The following ACAD9 variants were observed in gnomAD, a reference collection of about 807,000 sequenced individuals.
The protein encoded by ACAD9 is acyl-CoA dehydrogenase family member 9.
ACAD9 carries 53 observed loss-of-function variants against 70.2 expected under a neutral mutation model. That is an observed-to-expected ratio of 0.75 (90% confidence interval 0.61 to 0.95). The LOEUF is 0.95. Among genes scored for constraint, ACAD9 ranks in the 40% least tolerant of loss-of-function variants. The probability of loss-of-function intolerance (pLI) is 0.00; values close to 1 mark genes in which losing one functional copy is unlikely to be tolerated. For missense variants in ACAD9, 777 were observed against 802.8 expected (o/e 0.97, Z 0.39); for synonymous variants, 313 against 312.1 (o/e 1.00, Z -0.03).
In ACAD9 at chr3:128,912,660, T is replaced by C. The variant is rs1244505106; in HGVS notation, c.*53T>C. 1 of 1,428,046 alleles carries C rather than the reference T, an allele frequency of 7.0e-7. No individual in the cohort carries two copies. The highest frequency in any genetic ancestry group is 1.4e-5 in the African/African-American group (1 of 71,216). The allele number at this position is 1,428,046 out of a possible 1,614,324, so 88.5% of individuals were successfully genotyped here. A position where few individuals can be genotyped will look rare whatever the true frequency, so the allele number is the denominator to read the frequency against. ...CCCGCCCCTACCCATGGCCCGTTGC[T>C]GGATGACTGTTACTCTTTTTTCAGA... On this transcript the variant is annotated 3_prime_UTR_variant, in exon 18 of 18. Transcript: ENST00000308982.
intron 9 of ACAD9, 144 bp from the exon 10 acceptor site, chr3:128,903,918 T>C (rs1935815330): frequency 3.7e-6 from 3 of 812,196 alleles, no homozygotes; most frequent in South Asian, 2.9e-5. Context: ...CAAGTGGGGG[T>C]GCCAGCTTCT....
In ACAD9 at chr3:128,902,225, A is replaced by C. The variant is rs1225213401; in HGVS notation, c.883-328A>C. On this transcript the variant is annotated intron_variant, in intron 8 of 17. Transcript: ENST00000308982. The surrounding 1 kb of genome is among the most constrained non-coding windows in gnomAD (Gnocchi z 4.0). Reference sequence around the variant, plus strand: ...TTTCAGGTATTTTGATTTATGCCTAAAAGTAGAATTTCTGTTTGGCCCAAG... The same window carrying C: ...TTTCAGGTATTTTGATTTATGCCTACAAGTAGAATTTCTGTTTGGCCCAAG... Among the ~76,000 whole-genome samples, 2 of 152,232 alleles carry C rather than the reference A, an allele frequency of 1.3e-5. No homozygotes were observed. Among genetic ancestry groups the C allele is most frequent in the Non-Finnish European group, 2.9e-5 (2 of 68,046 alleles).
chr3:128,908,252 C>A lies in ACAD9; in HGVS notation c.1346C>A (p.Thr449Asn). The A allele has an allele frequency of 6.2e-7, 1 of 1,614,168 alleles. No homozygotes were observed. Among genetic ancestry groups the A allele is most frequent in the Non-Finnish European group, 8.5e-7 (1 of 1,180,012 alleles). The change falls in exon 13 of 18, where the codon ACT (threonine) becomes AAT (asparagine). Residue 449 changes from threonine (T) to asparagine (N), a missense_variant. Physicochemically the swap from Thr to Asn is moderately conservative, Grantham distance 65 (BLOSUM62 0). Coordinates refer to ENST00000308982, the MANE Select transcript of ACAD9 (RefSeq NM_014049.5). ...TGLQHAGRIL[T>N]TRIHELKQAK... ...CTGCAGCATGCCGGCCGCATCCTGA[C>A]TACCAGGATCCAGTAGGTGCCATTG...
rs1576343391 is a variant in ACAD9 at position 128,902,893 on chromosome 3, G to A, written c.958+265G>A. On this transcript the variant is annotated intron_variant, in intron 9 of 17. Transcript: ENST00000308982. The surrounding 1 kb of genome is among the most constrained non-coding windows in gnomAD (Gnocchi z 4.0). ...GCTTTCTGTCTGGGGTGGGGATGGG[G>A]ATTGGGGAATGGGCTGTCTGTCTGG... Among the ~76,000 whole-genome samples, 2 of 152,278 alleles carry A rather than the reference G, an allele frequency of 1.3e-5. No homozygotes were observed. The highest frequency in any genetic ancestry group is 4.8e-5 in the African/African-American group (2 of 41,550).
intron 15 of ACAD9, 71 bp from the exon 16 acceptor site, chr3:128,909,950 A>G: frequency 6.3e-7 from 1 of 1,591,062 alleles, no homozygotes; most frequent in Non-Finnish European, 8.6e-7. Flanking sequence ...GCAAAGATGC[A>G]GCCCAGGGAG....
Position 128,902,707 on chromosome 3 carries a change from C to T in ACAD9, c.958+79C>T, listed in dbSNP as rs1935776840. ...CCAACCCTGGAGGCTCTGCCATTCC[C>T]CCGGCCCCTTCCAGGCCAGTGCTGA... is the stretch of plus-strand genomic sequence containing the variant. On this transcript the variant is annotated intron_variant, in intron 9 of 17. Coordinates refer to ENST00000308982, the MANE Select transcript of ACAD9 (RefSeq NM_014049.5). The surrounding 1 kb of genome is among the most constrained non-coding windows in gnomAD (Gnocchi z 4.0). 1.3e-6 allele frequency: 2 copies of T among 1,500,294 alleles called. No homozygotes were observed. Among genetic ancestry groups the T allele is most frequent in the Middle Eastern group, 1.9e-4 (1 of 5,386 alleles). 92.9% of individuals were successfully genotyped at this position (1,500,294 alleles called of 1,614,324 possible).
intron 1 of ACAD9, among the ~76,000 whole-genome samples, 175 bp from the exon 2 acceptor site, chr3:128,884,478 A>G (rs1198213364): frequency 6.6e-6 from 1 of 152,170 alleles, no homozygotes; most frequent in African/African-American, 2.4e-5. Context: ...GAGCCTGCAC[A>G]TAGTTTCTGT....
At chr3:128,881,578 C>G (rs1451737628) in intron 1 of ACAD9, among the ~76,000 whole-genome samples, 1 of 152,180 alleles carries the variant, frequency 6.6e-6, no homozygotes, top group African/African-American at 2.4e-5. Flanking sequence ...GATCTTGAGC[C>G]CTTACCATTC....
At chr3:128,892,415 A>G (rs1158957273) in intron 2 of ACAD9, among the ~76,000 whole-genome samples, 1 of 152,230 alleles carries the variant, frequency 6.6e-6, no homozygotes, top group Non-Finnish European at 1.5e-5. Context: ...AATTTATAAT[A>G]CTGATGAAGT....
chr3:128,898,977 C>T (rs1255588018), intron 6 of ACAD9, among the ~76,000 whole-genome samples: 1 of 152,156 alleles, frequency 6.6e-6, no homozygotes, highest in East Asian at 1.9e-4. Context: ...AATGATTAAA[C>T]CCTTTCTTTC....
chr3:128,880,803 C>T (rs535504385), intron 1 of ACAD9, among the ~76,000 whole-genome samples: 1 of 152,210 alleles, frequency 6.6e-6, no homozygotes, highest in Non-Finnish European at 1.5e-5. Flanking sequence ...CTGTAGAGTA[C>T]TGTGCAGCAG....
intron 2 of ACAD9, among the ~76,000 whole-genome samples, chr3:128,890,717 GT>G (rs1935396675): frequency 6.6e-6 from 1 of 151,888 alleles, no homozygotes; most frequent in African/African-American, 2.4e-5. Context: ...AAACTGTATA[GT>G]TTTAATTCAG....
chr3:128,898,108 C>T (rs1279957084), intron 6 of ACAD9, among the ~76,000 whole-genome samples: 6 of 152,164 alleles, frequency 3.9e-5, no homozygotes, highest in South Asian at 2.1e-4. Context: ...CTGCCCACCT[C>T]GGCCTCCCAA....
intron 6 of ACAD9, chr3:128,898,481 C>G: frequency 2.3e-6 from 1 of 442,644 alleles, no homozygotes; most frequent in South Asian, 1.6e-5. Context: ...TCTTGGCTCA[C>G]TGCAGCCTCA....
Position 128,879,788 on chromosome 3 carries a change from AGCCCGCCT to A in ACAD9, c.99_106del (p.Pro34ThrfsTer24). On this transcript the variant is annotated frameshift_variant, in exon 1 of 18. Coordinates refer to ENST00000308982, the MANE Select transcript of ACAD9 (RefSeq NM_014049.5). LOFTEE classifies it high-confidence loss of function. ...CGCGAACCGGCGGCTACTGCGCACC[AGCCCGCCT>A]GTACGAGCTTTCGCCAAAGAGCTTT... is the stretch of plus-strand genomic sequence containing the variant. 2 of 1,613,880 alleles carry A rather than the reference AGCCCGCCT, an allele frequency of 1.2e-6. No homozygotes were observed. The highest frequency in any genetic ancestry group is 1.7e-6 in the Non-Finnish European group (2 of 1,180,026).
chr3:128,898,996 A>G (rs1935651432), intron 6 of ACAD9, among the ~76,000 whole-genome samples: 1 of 152,248 alleles, frequency 6.6e-6, no homozygotes. Flanking sequence ...TCTTGAAGAA[A>G]TGCAGTTGTC....
intron 6 of ACAD9, 21 bp downstream of exon 6, chr3:128,897,731 C>T (rs1278640164): frequency 1.2e-6 from 2 of 1,607,652 alleles, no homozygotes; most frequent in Non-Finnish European, 1.7e-6. Context: ...TTCCCCATGG[C>T]CACATTAGGG....
At position 128,899,516 on chromosome 3, in the gene ACAD9, CT is replaced by C. The variant is rs1399379508; in HGVS notation, c.808+58del. ...GTGTGTGTGTAAGGGGGAGACTGGC[CT>C]TTGACGGTGTGTGTGTGTGTGTGTG... On this transcript the variant is annotated intron_variant, in intron 7 of 17. Coordinates refer to ENST00000308982, the MANE Select transcript of ACAD9 (RefSeq NM_014049.5). The C allele has an allele frequency of 3.3e-5, 49 of 1,477,532 alleles. No homozygotes were observed. In the African/African-American group the frequency reaches 5.4e-4, roughly 16 times the overall value. The allele number at this position is 1,477,532 out of a possible 1,614,324, so 91.5% of individuals were successfully genotyped here.
Position 128,909,035 on chromosome 3 carries a change from C to T in ACAD9, c.1421C>T (p.Ser474Phe), listed in dbSNP as rs756349923. Residue 474 changes from serine to phenylalanine, a missense_variant, in exon 14 of 18, where the codon TCC (serine) becomes TTC (phenylalanine). Coordinates refer to ENST00000308982, the MANE Select transcript of ACAD9 (RefSeq NM_014049.5). Reference sequence around the variant, plus strand: ...ACCGTTGGCCGGAGGCTTCGGGACTCCCTGGGCCGAACTGTGGACCTGGGG... The same window carrying T: ...ACCGTTGGCCGGAGGCTTCGGGACTTCCTGGGCCGAACTGTGGACCTGGGG... ...MDTVGRRLRD[S>F]LGRTVDLGLT... The T allele has an allele frequency of 2.5e-6, 4 of 1,614,146 alleles. No individual in the cohort carries two copies. The highest frequency in any genetic ancestry group is 4.5e-5 in the East Asian group (2 of 44,882).
Sources: gnomAD v4.1 joint callset for allele counts (sites outside exome capture counted in the v4.1 genomes callset) on GRCh38, gnomAD v4.1.1 for gene constraint, Gnocchi (gnomAD v3.1) non-coding constraint, MANE v1.5 for transcripts, NCBI Gene and HGNC (gene_info 2026-07-23, HGNC 2026-07-21) for gene names.